TSPAN5: variants seen among roughly 807,000 people sequenced by gnomAD.
The protein encoded by TSPAN5 is tetraspanin-5.
TSPAN5 carries 10 observed loss-of-function variants against 37.1 expected under a neutral mutation model. The observed-to-expected ratio is 0.27, with a 90% CI of 0.17 to 0.46. The LOEUF (loss-of-function observed/expected upper bound fraction) is 0.46, where lower values mean the gene tolerates loss of function less well. TSPAN5 is among the 20% of genes least tolerant of loss of function. The pLI is 1.00. For missense variants in TSPAN5, 195 were observed against 326.6 expected, an observed-to-expected ratio of 0.60 and a Z score of 3.11; for synonymous variants, 110 against 118.9, an observed-to-expected ratio of 0.93 and a Z score of 0.48.
chr4:98,518,772 A>G (rs1479891189), intron 1 of TSPAN5, among the ~76,000 whole-genome samples: 2 of 152,230 alleles, frequency 1.3e-5, no homozygotes, highest in East Asian at 1.9e-4. Context: ...CTCGAGACCT[A>G]CTACATCAGA....
intron 1 of TSPAN5, among the ~76,000 whole-genome samples, chr4:98,606,229 C>T (rs1188610831): frequency 6.6e-6 from 1 of 152,196 alleles, no homozygotes; most frequent in Non-Finnish European, 1.5e-5. Flanking sequence ...CTGCAGATTA[C>T]CTTTATCTTT....
chr4:98,578,143 A>G (rs766257276), intron 1 of TSPAN5, among the ~76,000 whole-genome samples: 2 of 152,190 alleles, frequency 1.3e-5, no homozygotes, highest in Non-Finnish European at 2.9e-5. Context: ...GAATTAATCA[A>G]TTATGCAAAG....
chr4:98,557,832 C>G (rs1211076409), intron 1 of TSPAN5, among the ~76,000 whole-genome samples: 1 of 152,170 alleles, frequency 6.6e-6, no homozygotes, highest in Non-Finnish European at 1.5e-5. Flanking sequence ...TTCCCCTAGT[C>G]TAATCATGAG....
chr4:98,554,725 A>G (rs1280740546), intron 1 of TSPAN5, among the ~76,000 whole-genome samples: 4 of 152,226 alleles, frequency 2.6e-5, no homozygotes, highest in Non-Finnish European at 4.4e-5. Flanking sequence ...TAAACTGTTA[A>G]TACATGCATA....
At chr4:98,642,661 C>T (rs1324581049) in intron 1 of TSPAN5, among the ~76,000 whole-genome samples, 4 of 151,806 alleles carry the variant, frequency 2.6e-5, no homozygotes, top group Non-Finnish European at 5.9e-5. Flanking sequence ...TAATCAATGA[C>T]GGAATAACTG....
At chr4:98,613,772 A>G (rs1349342076) in intron 1 of TSPAN5, among the ~76,000 whole-genome samples, 1 of 152,130 alleles carries the variant, frequency 6.6e-6, no homozygotes, top group African/African-American at 2.4e-5. Flanking sequence ...ACAGGTTGAT[A>G]TTGAGGGTGG....
At chr4:98,571,798 T>C (rs1182739048) in intron 1 of TSPAN5, among the ~76,000 whole-genome samples, 1 of 152,142 alleles carries the variant, frequency 6.6e-6, no homozygotes. Context: ...ACCATTTCCT[T>C]TGGTGAATTA....
In TSPAN5 at chr4:98,640,507, C is replaced by T. The variant is rs576402928; in HGVS notation, c.81+17639G>A. 1.1e-4 allele frequency among the ~76,000 whole-genome samples: 16 copies of T among 152,198 alleles called. No individual in the cohort carries two copies. In the South Asian group the frequency reaches 3.1e-3, roughly 30 times the overall value. On this transcript the variant is annotated intron_variant, in intron 1 of 7. Transcript: ENST00000305798. ...TGAGGTAAGACATAAGAAATGTTGG[C>T]GTTGTTATCCAGAAAGGAAGGACTG...
intron 1 of TSPAN5, among the ~76,000 whole-genome samples, chr4:98,526,351 G>A (rs1753963327): frequency 6.6e-6 from 1 of 152,162 alleles, no homozygotes; most frequent in Non-Finnish European, 1.5e-5. Context: ...AGTAGTCATG[G>A]CGAGAGGCAA....
In TSPAN5 at chr4:98,472,260, T is replaced by G. The variant is rs988156892; in HGVS notation, c.*262A>C. 5.6e-6 allele frequency: 2 copies of G among 357,042 alleles called. No homozygotes were observed. Among genetic ancestry groups the G allele is most frequent in the Admixed American group, 4.7e-5 (1 of 21,496 alleles). The allele number at this position is 357,042 out of a possible 1,614,324, so 22.1% of individuals were successfully genotyped here. ...CCCTACCCTCCCTTTTTTTCTTTTT[T>G]GGTAAGCATCTAACTGTCCATAAAT... is the stretch of plus-strand genomic sequence containing the variant. On this transcript the variant is annotated 3_prime_UTR_variant, in exon 8 of 8. Transcript: ENST00000305798.
intron 2 of TSPAN5, among the ~76,000 whole-genome samples, chr4:98,490,263 C>A (rs1753056677): frequency 6.6e-6 from 1 of 152,102 alleles, no homozygotes; most frequent in Admixed American, 6.5e-5. Flanking sequence ...AACAAGCTAG[C>A]AAACATACCT....
intron 1 of TSPAN5, among the ~76,000 whole-genome samples, chr4:98,644,857 G>A (rs1367414502): frequency 2.6e-5 from 4 of 152,146 alleles, no homozygotes; most frequent in African/African-American, 9.7e-5. Flanking sequence ...TTTCAGAAAT[G>A]GGGGATGCCC....
At position 98,572,624 on chromosome 4, in the gene TSPAN5, C is replaced by T. The variant is rs192025999; in HGVS notation, c.82-64896G>A. Among the ~76,000 whole-genome samples the T allele has an allele frequency of 2.7e-3, 410 of 152,316 alleles. 1 individual carries two copies. The highest frequency in any genetic ancestry group is 4.7e-3 in the Non-Finnish European group (322 of 68,020). On this transcript the variant is annotated intron_variant, in intron 1 of 7. Coordinates refer to ENST00000305798, the MANE Select transcript of TSPAN5 (RefSeq NM_005723.4). ...TCATTCAAAGTGATTAAAAGAAAAA[C>T]GTTTATGCTTAATGGGGGAACCCCT...
intron 1 of TSPAN5, among the ~76,000 whole-genome samples, chr4:98,565,721 G>A (rs1249950803): frequency 6.6e-6 from 1 of 152,158 alleles, no homozygotes; most frequent in East Asian, 1.9e-4. Flanking sequence ...CAGCTGAGAG[G>A]CTGTCTGAGA....
At chr4:98,472,892 T>C (rs1186699848) in intron 7 of TSPAN5, among the ~76,000 whole-genome samples, 1 of 152,206 alleles carries the variant, frequency 6.6e-6, no homozygotes, top group Non-Finnish European at 1.5e-5. Flanking sequence ...TTCCTGCCTC[T>C]GTGGATTTGC....
chr4:98,585,639 T>C (rs968718850), intron 1 of TSPAN5, among the ~76,000 whole-genome samples: 44 of 152,338 alleles, frequency 2.9e-4, no homozygotes, highest in African/African-American at 9.1e-4. Flanking sequence ...TCCATGTGTA[T>C]CCATTGTTTA....
rs563175197 is a variant in TSPAN5 at position 98,553,207 on chromosome 4, T to TAAAA, written c.82-45483_82-45480dup. The stretch of plus-strand genomic sequence containing the variant: ...GTATAAAGTTACCTAATTTGCTGTC[T>TAAAA]AAAAGTGTTGGAGTAAATTAAGCAA... On this transcript the variant is annotated intron_variant, in intron 1 of 7. Transcript: ENST00000305798. Among the ~76,000 whole-genome samples, 698 of 152,318 alleles carry TAAAA rather than the reference T, an allele frequency of 4.6e-3. 1 individual carries two copies. The highest frequency in any genetic ancestry group is 7.3e-3 in the Non-Finnish European group (494 of 68,030).
At chr4:98,587,999 G>T (rs1399850843) in intron 1 of TSPAN5, among the ~76,000 whole-genome samples, 3 of 152,174 alleles carry the variant, frequency 2.0e-5, no homozygotes, top group Non-Finnish European at 4.4e-5. Context: ...CCCTGAAGGT[G>T]TTCACTACAC....
At chr4:98,537,411 C>T (rs932944117) in intron 1 of TSPAN5, among the ~76,000 whole-genome samples, 1 of 152,182 alleles carries the variant, frequency 6.6e-6, no homozygotes, top group African/African-American at 2.4e-5. Flanking sequence ...TCGCTGGGAG[C>T]TACAGACCGG....
Sources: gnomAD v4.1 joint callset for allele counts (sites outside exome capture counted in the v4.1 genomes callset) on GRCh38, gnomAD v4.1.1 for gene constraint, MANE v1.5 for transcripts, NCBI Gene and HGNC (gene_info 2026-07-23, HGNC 2026-07-21) for gene names.